ADGRV1: variants seen among roughly 807,000 people sequenced by gnomAD.
The protein encoded by ADGRV1 is adhesion G protein-coupled receptor V1, also known as G-protein coupled receptor 98.
In ADGRV1, 359 loss-of-function variants were observed where a neutral mutation model predicts 596.2. The ratio of observed to expected loss-of-function variants is 0.60; its 90% CI spans 0.55 to 0.66. ADGRV1 has a LOEUF of 0.66. Ranked by LOEUF, ADGRV1 falls within the 30% of genes least tolerant of loss-of-function variation. The pLI is 0.00. For synonymous variants in ADGRV1, 2,681 were observed against 2,679.2 expected (o/e 1.00, Z -0.02); for missense variants, 7,274 against 7,575.6 (o/e 0.96, Z 1.48).
At chr5:90,874,062 T>G (rs961907916) in intron 83 of ADGRV1, among the ~76,000 whole-genome samples, 11 of 152,182 alleles carry the variant, frequency 7.2e-5, no homozygotes, top group South Asian at 4.1e-4. Context: ...TCCCTAAAAC[T>G]TTTTGGTGTC....
At chr5:90,825,009 T>C (rs1763953108) in intron 76 of ADGRV1, among the ~76,000 whole-genome samples, 2 of 152,152 alleles carry the variant, frequency 1.3e-5, no homozygotes, top group Admixed American at 1.3e-4. Flanking sequence ...TGATCTCGGC[T>C]CACTGCAACT....
intron 39 of ADGRV1, 61 bp downstream of exon 39, chr5:90,708,970 T>A: frequency 8.9e-7 from 1 of 1,127,616 alleles, no homozygotes; most frequent in East Asian, 2.3e-5. Context: ...AGAAACTTCA[T>A]TTTTGAATCA....
chr5:91,119,803 A>G (rs1340453166), intron 87 of ADGRV1, among the ~76,000 whole-genome samples: 1 of 152,188 alleles, frequency 6.6e-6, no homozygotes, highest in Non-Finnish European at 1.5e-5. Context: ...TACTTGGCTC[A>G]ATTATAGAAG....
At position 90,627,290 on chromosome 5, in the gene ADGRV1, C is replaced by T; in HGVS notation, c.752C>T (p.Ser251Phe). 1 of 1,611,420 alleles carries T rather than the reference C, an allele frequency of 6.2e-7. No homozygotes were observed. The highest frequency in any genetic ancestry group is 8.5e-7 in the Non-Finnish European group (1 of 1,178,114). ...GCTGAGATTAACACCTCTAGGAATT[C>T]CATTGAGATCATCATTAAGAAAAAT... ...GGAEINTSRN[S>F]IEIIIKKNDS... is the part of the protein sequence containing the mutation. Residue 251 changes from serine to phenylalanine, a missense_variant, in exon 7 of 90, where the codon TCC becomes TTC. This residue lies in a region of ADGRV1 where 1,715 missense variants were observed against 1,708.8 expected (regional missense o/e 1.00). Transcript: ENST00000405460.
chr5:90,728,310 C>T (rs560394718), intron 48 of ADGRV1, among the ~76,000 whole-genome samples: 4 of 152,182 alleles, frequency 2.6e-5, no homozygotes, highest in South Asian at 2.1e-4. Flanking sequence ...TTTCTTATTC[C>T]GTTCTAAATT....
At chr5:90,809,258 A>T (rs143676640) in intron 73 of ADGRV1, among the ~76,000 whole-genome samples, 16 of 144,222 alleles carry the variant, frequency 1.1e-4, no homozygotes, top group Middle Eastern at 7.1e-3. Flanking sequence ...GGCCAGGCAT[A>T]AATCTTACAG....
chr5:91,147,301 G>A (rs1352694660), intron 87 of ADGRV1, among the ~76,000 whole-genome samples: 1 of 150,750 alleles, frequency 6.6e-6, no homozygotes, highest in Non-Finnish European at 1.5e-5. Context: ...AACATGTTCT[G>A]TAAATTCTCA....
chr5:90,719,946 A>G, intron 43 of ADGRV1, 102 bp from the exon 44 acceptor site: 2 of 861,204 alleles, frequency 2.3e-6, no homozygotes, highest in South Asian at 3.2e-5. Context: ...ATATTTTTCA[A>G]AACATGCTAT....
chr5:90,589,259 G>A (rs1268265044), intron 1 of ADGRV1, among the ~76,000 whole-genome samples: 1 of 152,176 alleles, frequency 6.6e-6, no homozygotes, highest in African/African-American at 2.4e-5. Context: ...CCGTATTTCA[G>A]TTTATGACAC....
At chr5:90,583,845 AAT>A (rs3041942) in intron 1 of ADGRV1, among the ~76,000 whole-genome samples, 67,910 of 151,786 alleles carry the variant, frequency 0.45, 15,506 homozygotes, top group East Asian at 0.59. Flanking sequence ...AAGAGAGTAA[AAT>A]GTGCACGTTT....
chr5:90,986,297 A>G (rs1319898103), intron 85 of ADGRV1, among the ~76,000 whole-genome samples: 2 of 151,856 alleles, frequency 1.3e-5, no homozygotes, highest in Non-Finnish European at 2.9e-5. Context: ...TAGCCTATTC[A>G]CAATCTTTTG....
chr5:91,073,365 A>G (rs1295266740), intron 86 of ADGRV1, among the ~76,000 whole-genome samples: 2 of 152,194 alleles, frequency 1.3e-5, no homozygotes, highest in Admixed American at 6.5e-5. Flanking sequence ...TCTTTTTTCT[A>G]AAGTTTTACA....
At chr5:91,123,209 AAG>A (rs34707957) in intron 87 of ADGRV1, among the ~76,000 whole-genome samples, 76,515 of 151,994 alleles carry the variant, frequency 0.5, 22,199 homozygotes, top group Non-Finnish European at 0.64. Context: ...AAACATGTAA[AAG>A]AGTGGCTATA....
At chr5:90,973,810 C>G (rs1290910450) in intron 84 of ADGRV1, among the ~76,000 whole-genome samples, 1 of 152,160 alleles carries the variant, frequency 6.6e-6, no homozygotes. Context: ...GATGCCCTCT[C>G]TCACCACTCC....
At chr5:91,079,097 A>G (rs550832584) in intron 86 of ADGRV1, among the ~76,000 whole-genome samples, 4 of 152,216 alleles carry the variant, frequency 2.6e-5, no homozygotes, top group Non-Finnish European at 5.9e-5. Flanking sequence ...CAGTAACAGT[A>G]TGTACTTGAA....
chr5:90,720,418 G>A (rs993482009), intron 44 of ADGRV1, among the ~76,000 whole-genome samples, 195 bp downstream of exon 44: 1 of 152,160 alleles, frequency 6.6e-6, no homozygotes. Context: ...AACTCACCCT[G>A]TTATTAGAAT....
chr5:90,667,967 T>G (rs927961540), intron 21 of ADGRV1, among the ~76,000 whole-genome samples: 5 of 151,968 alleles, frequency 3.3e-5, no homozygotes, highest in African/African-American at 4.8e-5. Context: ...GTCTGCCCGT[T>G]CTCAGATCTC....
intron 1 of ADGRV1, among the ~76,000 whole-genome samples, chr5:90,564,818 G>A (rs1257925660): frequency 1.9e-5 from 1 of 51,686 alleles, no homozygotes; most frequent in South Asian, 6.8e-4. Context: ...AGTAGAGACG[G>A]GGTTTCACCG....
chr5:91,153,060 A>C (rs1387845693), intron 88 of ADGRV1, among the ~76,000 whole-genome samples, 161 bp from the exon 89 acceptor site: 1 of 152,210 alleles, frequency 6.6e-6, no homozygotes, highest in Non-Finnish European at 1.5e-5. Flanking sequence ...AGAAAAAATA[A>C]ATTTATAAAT....
Sources: gnomAD v4.1 joint callset for allele counts (sites outside exome capture counted in the v4.1 genomes callset) on GRCh38, gnomAD v4.1.1 for gene constraint, gnomAD v4.1.1 regional missense constraint, MANE v1.5 for transcripts, NCBI Gene and HGNC (gene_info 2026-07-23, HGNC 2026-07-21) for gene names.